THSD7B: variants seen among roughly 807,000 people sequenced by gnomAD.
THSD7B encodes the protein thrombospondin type-1 domain-containing protein 7B.
In THSD7B, 138 loss-of-function variants were observed where a neutral mutation model predicts 213.6. The observed-to-expected ratio is 0.65, with a 90% CI of 0.56 to 0.74. The LOEUF is 0.74. THSD7B is among the 30% of genes least tolerant of loss of function. The pLI, the probability that THSD7B is intolerant of heterozygous loss-of-function variation, is 0.00. For synonymous variants in THSD7B, 742 were observed against 687.0 expected (o/e 1.08, Z -1.25); for missense variants, 1,931 against 1,991.5 (o/e 0.97, Z 0.58).
chr2:137,065,207 G>GT (rs749586160), intron 3 of THSD7B, among the ~76,000 whole-genome samples: 2 of 151,886 alleles, frequency 1.3e-5, no homozygotes, highest in East Asian at 3.9e-4. Flanking sequence ...GTGTTTTATA[G>GT]TTTTCATTGT....
chr2:137,223,566 T>C (rs542670679), intron 7 of THSD7B, among the ~76,000 whole-genome samples: 56 of 152,316 alleles, frequency 3.7e-4, no homozygotes, highest in African/African-American at 1.3e-3. Flanking sequence ...GAAAGGCTTA[T>C]CAACAAGTTG....
intron 1 of THSD7B, among the ~76,000 whole-genome samples, chr2:136,796,919 G>A (rs561184330): frequency 2.0e-5 from 3 of 150,880 alleles, no homozygotes; most frequent in Non-Finnish European, 3.0e-5. Context: ...ATAAGGTTTG[G>A]AAGAGCTTGG....
intron 2 of THSD7B, among the ~76,000 whole-genome samples, chr2:136,911,906 A>T (rs1684265345): frequency 6.6e-6 from 1 of 152,092 alleles, no homozygotes; most frequent in South Asian, 2.1e-4. Context: ...TAGCTAGATG[A>T]GGGGAGGGAC....
intron 1 of THSD7B, among the ~76,000 whole-genome samples, chr2:136,851,435 C>T (rs896697097): frequency 7.2e-5 from 11 of 152,236 alleles, no homozygotes; most frequent in African/African-American, 2.4e-4. Context: ...TCCAGTAATA[C>T]TTTCTGATTT....
chr2:137,271,438 A>AAT lies in THSD7B; in HGVS notation c.2267-1091_2267-1090dup, dbSNP rs1299574267. On this transcript the variant is annotated intron_variant, in intron 10 of 27. Coordinates refer to ENST00000409968, the MANE Select transcript of THSD7B (RefSeq NM_001316349.2). The stretch of plus-strand genomic sequence containing the variant: ...TAATATATAATTATATAATATATAT[A>AAT]ATATAATATATAATATAATATATAA... Among the ~76,000 whole-genome samples the AAT allele has an allele frequency of 5.4e-4, 73 of 134,780 alleles. 2 individuals are homozygous for AAT. Among genetic ancestry groups the AAT allele is most frequent in the African/African-American group, 1.7e-3 (60 of 34,698 alleles). The allele number at this position is 134,780 out of a possible 152,430, so 88.4% of individuals were successfully genotyped here. A position where few individuals can be genotyped will look rare whatever the true frequency, so the allele number is the denominator to read the frequency against.
intron 2 of THSD7B, among the ~76,000 whole-genome samples, chr2:136,898,892 C>G (rs370624254): frequency 6.6e-6 from 1 of 151,988 alleles, no homozygotes; most frequent in Non-Finnish European, 1.5e-5. Flanking sequence ...CTGCCCACCT[C>G]GGCCTCCCAA....
chr2:137,249,308 T>C (rs1012101328), intron 10 of THSD7B, among the ~76,000 whole-genome samples: 3 of 152,158 alleles, frequency 2.0e-5, no homozygotes, highest in Admixed American at 1.3e-4. Context: ...GCATAAGAAG[T>C]TATCAGATTT....
Position 137,618,426 on chromosome 2 carries a change from C to G in THSD7B, c.3600C>G (p.Pro1200=). The G allele has an allele frequency of 6.2e-7, 1 of 1,613,834 alleles. No homozygotes were observed. Among genetic ancestry groups the G allele is most frequent in the Non-Finnish European group, 8.5e-7 (1 of 1,179,860 alleles). Residue 1200 remains proline (P), a synonymous_variant, in exon 19 of 28, where the codon CCC becomes CCG. Coordinates refer to ENST00000409968, the MANE Select transcript of THSD7B (RefSeq NM_001316349.2). ...CATGCCAGCTGAGTGAAAACGCACC[C>G]TGTGGTCAAGGCGTCAGGACCCGCC... ...WSTCQLSENA[P]CGQGVRTRLL...
intron 2 of THSD7B, among the ~76,000 whole-genome samples, chr2:136,939,277 C>T (rs1432247918): frequency 3.9e-5 from 6 of 152,188 alleles, no homozygotes; most frequent in African/African-American, 1.4e-4. Flanking sequence ...TACCACCCAC[C>T]ACCCTAGCAA....
At chr2:137,204,327 T>G (rs1680939329) in intron 7 of THSD7B, among the ~76,000 whole-genome samples, 1 of 152,150 alleles carries the variant, frequency 6.6e-6, no homozygotes, top group African/African-American at 2.4e-5. Context: ...AGTCTTTCAG[T>G]TGAGAATGCG....
chr2:137,528,264 AAGG>A (rs1342165436), intron 15 of THSD7B, among the ~76,000 whole-genome samples: 1 of 152,058 alleles, frequency 6.6e-6, no homozygotes, highest in African/African-American at 2.4e-5. Context: ...AAGCATGATG[AAGG>A]AGGAGGAGTC....
At chr2:136,987,789 A>G (rs1368919410) in intron 2 of THSD7B, among the ~76,000 whole-genome samples, 1 of 152,230 alleles carries the variant, frequency 6.6e-6, no homozygotes, top group Non-Finnish European at 1.5e-5. Flanking sequence ...TCCATTTGAC[A>G]AAAAGGATGA....
intron 21 of THSD7B, among the ~76,000 whole-genome samples, chr2:137,645,114 CT>C (rs1366517024): frequency 6.6e-6 from 1 of 152,102 alleles, no homozygotes; most frequent in Non-Finnish European, 1.5e-5. Context: ...CTCCAAACAT[CT>C]GTTTTCTTTT....
At chr2:137,453,326 C>CTTTTTCTTTTT (rs1687689581) in intron 15 of THSD7B, among the ~76,000 whole-genome samples, 1 of 96,856 alleles carries the variant, frequency 1.0e-5, no homozygotes, top group Non-Finnish European at 1.8e-5. Context: ...TTGAAATTTA[C>CTTTTTCTTTTT]TTTTTTTTTT....
chr2:137,427,843 C>G (rs1687094133), intron 14 of THSD7B, among the ~76,000 whole-genome samples: 1 of 152,066 alleles, frequency 6.6e-6, no homozygotes, highest in African/African-American at 2.4e-5. Flanking sequence ...ATTCTCACCA[C>G]ACACAAAAAC....
chr2:136,783,535 A>G (rs969614810), intron 1 of THSD7B, among the ~76,000 whole-genome samples: 2 of 152,214 alleles, frequency 1.3e-5, no homozygotes, highest in Admixed American at 1.3e-4. Context: ...AGCAGAGCCC[A>G]GAACTGGAGC....
chr2:137,469,793 C>T (rs903056428), intron 15 of THSD7B, among the ~76,000 whole-genome samples: 7 of 152,056 alleles, frequency 4.6e-5, no homozygotes, highest in Non-Finnish European at 8.8e-5. Flanking sequence ...CAAAGAGCAC[C>T]GGTTGTTTCT....
intron 7 of THSD7B, among the ~76,000 whole-genome samples, chr2:137,175,324 C>T (rs577382698): frequency 1.3e-5 from 2 of 152,286 alleles, no homozygotes; most frequent in Admixed American, 6.5e-5. Context: ...AGGGATAATG[C>T]AACATACAAT....
intron 20 of THSD7B, among the ~76,000 whole-genome samples, chr2:137,635,183 T>G (rs1682810873): frequency 6.6e-6 from 1 of 152,202 alleles, no homozygotes; most frequent in South Asian, 2.1e-4. Context: ...ACATATTTTA[T>G]AGGGAGTGTC....
Sources: allele counts gnomAD v4.1 joint callset (sites outside exome capture counted in the v4.1 genomes callset), GRCh38; gene constraint gnomAD v4.1.1; transcripts MANE v1.5; gene names NCBI Gene and HGNC (gene_info 2026-07-23, HGNC 2026-07-21).